RAD54B: variants seen among roughly 807,000 people sequenced by gnomAD.
The protein encoded by RAD54B is DNA repair and recombination protein RAD54B.
Under a neutral mutation model 95.8 loss-of-function variants are expected in RAD54B, and 78 were observed. That is an observed-to-expected ratio of 0.81 (90% CI 0.68 to 0.98). RAD54B has a LOEUF of 0.98. Ranked by LOEUF, RAD54B falls within the 50% of genes least tolerant of loss-of-function variation. The pLI, the probability that RAD54B is intolerant of heterozygous loss-of-function variation, is 0.00. For missense variants in RAD54B, 957 were observed against 1,056.6 expected (o/e 0.91, Z 1.31); for synonymous variants, 328 against 354.9 (o/e 0.92, Z 0.85).
At chr8:94,444,128 T>A (rs73271959) in intron 3 of RAD54B, among the ~76,000 whole-genome samples, 2 of 151,916 alleles carry the variant, frequency 1.3e-5, no homozygotes, top group South Asian at 2.1e-4. Flanking sequence ...GTCCAACATA[T>A]AAAGAACTCA....
At chr8:94,399,060 C>T (rs1811208323) in intron 8 of RAD54B, among the ~76,000 whole-genome samples, 1 of 152,088 alleles carries the variant, frequency 6.6e-6, no homozygotes, top group Non-Finnish European at 1.5e-5. Context: ...ATGGTATTAT[C>T]ATTCCTATTT....
intron 10 of RAD54B, among the ~76,000 whole-genome samples, chr8:94,389,201 C>T (rs900870263): frequency 1.3e-5 from 2 of 152,164 alleles, no homozygotes; most frequent in Admixed American, 6.5e-5. Context: ...GCAATTCTCC[C>T]ACCTCAGCCT....
chr8:94,423,337 G>A (rs1811868042), intron 3 of RAD54B, among the ~76,000 whole-genome samples: 2 of 152,070 alleles, frequency 1.3e-5, no homozygotes, highest in South Asian at 4.1e-4. Context: ...AGCCAAGATC[G>A]CGCCACTGCA....
At chr8:94,401,934 T>C (rs1811275498) in intron 6 of RAD54B, among the ~76,000 whole-genome samples, 1 of 152,086 alleles carries the variant, frequency 6.6e-6, no homozygotes, top group African/African-American at 2.4e-5. Context: ...TTGAGCAAAA[T>C]TGTAAAGGGT....
chr8:94,447,688 T>C (rs1474072182), intron 3 of RAD54B, among the ~76,000 whole-genome samples: 2 of 152,262 alleles, frequency 1.3e-5, no homozygotes, highest in South Asian at 2.1e-4. Context: ...TGGTCAGCAA[T>C]AGCACAAAGT....
chr8:94,454,262 G>A (rs914170099), intron 3 of RAD54B, among the ~76,000 whole-genome samples: 1 of 152,170 alleles, frequency 6.6e-6, no homozygotes, highest in African/African-American at 2.4e-5. Context: ...GTTGCCAGGG[G>A]CTGGAAAGAG....
At chr8:94,466,606 C>T (rs1288497443) in intron 2 of RAD54B, among the ~76,000 whole-genome samples, 2 of 152,114 alleles carry the variant, frequency 1.3e-5, no homozygotes, top group Non-Finnish European at 2.9e-5. Flanking sequence ...CGGAGTTTCA[C>T]CATGTTAACC....
intron 3 of RAD54B, chr8:94,436,568 T>C: frequency 6.4e-7 from 1 of 1,550,514 alleles, no homozygotes; most frequent in Middle Eastern, 1.7e-4. Flanking sequence ...ACTTTCTTGG[T>C]TGGCTCAGAA....
rs959256302 is a variant in RAD54B, at chr8:94,400,451, T to A, written c.957A>T (p.Arg319Ser). ...ECVMGMRMNG[R>S]CGAILADEMG... ...TTTCATCAGCAAGAATAGCTCCACA[T>A]CTGCCATTCATTCTGTTAGAAATAA... The change falls in exon 7 of 15, where the codon AGA becomes AGT. Residue 319 changes from arginine (R) to serine (S), a missense_variant. By Grantham distance (110) the Arg-to-Ser change is moderately radical. Transcript: ENST00000336148. 1.9e-6 allele frequency: 3 copies of A among 1,606,978 alleles called. No homozygotes were observed. Among genetic ancestry groups the A allele is most frequent in the African/African-American group, 2.7e-5 (2 of 74,742 alleles).
chr8:94,384,786 A>G (rs1291042438), intron 11 of RAD54B, among the ~76,000 whole-genome samples: 1 of 152,202 alleles, frequency 6.6e-6, no homozygotes, highest in Admixed American at 6.5e-5. Context: ...CCTTCAATGC[A>G]ACATGGCAGG....
Position 94,384,050 on chromosome 8 carries a change from G to A in RAD54B, c.1985+2934C>T, listed in dbSNP as rs1374175740. 4.6e-4 allele frequency among the ~76,000 whole-genome samples: 70 copies of A among 152,128 alleles called. 2 individuals are homozygous for A. Among genetic ancestry groups the A allele is most frequent in the Non-Finnish European group, 5.9e-5 (4 of 68,016 alleles). Reference sequence around the variant, plus strand: ...TTATATCCAAAAGAATTTAATGGGTGCAGCAAACCAACATGGCACATGTAT... The same window carrying A: ...TTATATCCAAAAGAATTTAATGGGTACAGCAAACCAACATGGCACATGTAT... On this transcript the variant is annotated intron_variant, in intron 11 of 14. Coordinates refer to ENST00000336148, the MANE Select transcript of RAD54B (RefSeq NM_012415.3).
intron 2 of RAD54B, among the ~76,000 whole-genome samples, chr8:94,466,796 A>G (rs1813035389): frequency 6.6e-6 from 1 of 152,214 alleles, no homozygotes; most frequent in South Asian, 2.1e-4. Flanking sequence ...AAATGACCTT[A>G]AAGAAGTTTT....
chr8:94,469,143 C>T (rs1224322010), intron 1 of RAD54B, among the ~76,000 whole-genome samples: 2 of 149,620 alleles, frequency 1.3e-5, no homozygotes, highest in African/African-American at 4.9e-5. Flanking sequence ...AAAATAAGTT[C>T]AATAGCTAGT....
intron 9 of RAD54B, among the ~76,000 whole-genome samples, chr8:94,393,244 G>T (rs912141168): frequency 6.6e-6 from 1 of 152,086 alleles, no homozygotes; most frequent in African/African-American, 2.4e-5. Flanking sequence ...TCCCCAAGTT[G>T]TGCCAACGTA....
chr8:94,376,258 A>T (rs1221081557), intron 14 of RAD54B, among the ~76,000 whole-genome samples: 1 of 152,168 alleles, frequency 6.6e-6, no homozygotes, highest in Non-Finnish European at 1.5e-5. Flanking sequence ...GAGTTCAGTA[A>T]CAAAAACTAA....
At chr8:94,452,140 A>C (rs1290900207) in intron 3 of RAD54B, among the ~76,000 whole-genome samples, 1 of 152,240 alleles carries the variant, frequency 6.6e-6, no homozygotes, top group African/African-American at 2.4e-5. Flanking sequence ...TGTTTCACAG[A>C]GGAAATAATC....
chr8:94,428,282 C>G, intron 3 of RAD54B: 1 of 977,558 alleles, frequency 1.0e-6, no homozygotes, highest in Non-Finnish European at 1.2e-6. Flanking sequence ...CCCAGCATTA[C>G]ATTTTGTAAT....
rs148223334 is a variant in RAD54B, at chr8:94,376,669, C to T, written c.2515+1511G>A. The stretch of plus-strand genomic sequence containing the variant: ...AAATAAAAATATATACATATTTTAA[C>T]TACCATAAATATTATATATTGTTAT... On this transcript the variant is annotated intron_variant, in intron 14 of 14. Transcript: ENST00000336148. 2.3e-3 allele frequency among the ~76,000 whole-genome samples: 348 copies of T among 149,428 alleles called. 13 individuals are homozygous for T. In the East Asian group the frequency reaches 0.064, roughly 28 times the overall value.
At chr8:94,407,380 C>T (rs1811416186) in intron 5 of RAD54B, 59 bp downstream of exon 5, 2 of 1,487,090 alleles carry the variant, frequency 1.3e-6, no homozygotes, top group African/African-American at 1.4e-5. Context: ...TTCAAATTCA[C>T]ACACAAAAAA....
Sources: gnomAD v4.1 joint callset for allele counts (sites outside exome capture counted in the v4.1 genomes callset) on GRCh38, gnomAD v4.1.1 for gene constraint, MANE v1.5 for transcripts, NCBI Gene and HGNC (gene_info 2026-07-23, HGNC 2026-07-21) for gene names.